The following GPR137B variants were observed in gnomAD, a reference collection of about 807,000 sequenced individuals.
The protein encoded by GPR137B is G protein-coupled receptor 137B, also known as integral membrane protein GPR137B.
In GPR137B, 42 loss-of-function variants were observed where a neutral mutation model predicts 42.5. That is an observed-to-expected ratio of 0.99 (90% CI 0.77 to 1.28). The LOEUF (loss-of-function observed/expected upper bound fraction) is 1.28, where lower values mean the gene tolerates loss of function less well. Ranked by LOEUF, GPR137B falls within the 50% of genes most tolerant of loss-of-function variation. GPR137B has a pLI of 0.00. For missense variants in GPR137B, 487 were observed against 493.9 expected (o/e 0.99, Z 0.13); for synonymous variants, 218 against 209.7 (o/e 1.04, Z -0.34).
At chr1:236,162,155 G>A (rs989038165) in intron 1 of GPR137B, among the ~76,000 whole-genome samples, 2 of 152,160 alleles carry the variant, frequency 1.3e-5, no homozygotes, top group Admixed American at 6.5e-5. Flanking sequence ...GAACTTTTTG[G>A]GAACTGGAGC....
At chr1:236,189,612 T>C (rs564840935) in intron 5 of GPR137B, among the ~76,000 whole-genome samples, 1 of 152,292 alleles carries the variant, frequency 6.6e-6, no homozygotes, top group East Asian at 1.9e-4. Flanking sequence ...TCAGTTTCCA[T>C]TGGTTGTGCA....
At chr1:236,192,659 G>A (rs1490111471) in intron 5 of GPR137B, among the ~76,000 whole-genome samples, 23 of 151,976 alleles carry the variant, frequency 1.5e-4, no homozygotes, top group Non-Finnish European at 1.6e-4. Flanking sequence ...CTCACCCTCC[G>A]TGAGCTGCAC....
In GPR137B at chr1:236,155,316, C is replaced by A. The variant is rs546947010; in HGVS notation, c.414+12280C>A. On this transcript the variant is annotated intron_variant, in intron 1 of 6. Coordinates refer to ENST00000366592, the MANE Select transcript of GPR137B (RefSeq NM_003272.4). The surrounding 1 kb of genome is among the most constrained non-coding windows in gnomAD (Gnocchi z 4.6). The stretch of plus-strand genomic sequence containing the variant: ...AGAAGCAGCTTAATGAATATTTGTC[C>A]TAATGCTTTCACCTCGCAGATAGAC... 2.6e-5 allele frequency among the ~76,000 whole-genome samples: 4 copies of A among 152,190 alleles called. No homozygotes were observed. The highest frequency in any genetic ancestry group is 5.9e-5 in the Non-Finnish European group (4 of 68,032).
At chr1:236,163,406 G>T (rs1460060299) in intron 1 of GPR137B, among the ~76,000 whole-genome samples, 1 of 152,168 alleles carries the variant, frequency 6.6e-6, no homozygotes, top group East Asian at 1.9e-4. Flanking sequence ...GACTTTTGGG[G>T]ACTGTTGGGA....
chr1:236,151,426 T>C (rs1190451363), intron 1 of GPR137B, among the ~76,000 whole-genome samples: 2 of 143,736 alleles, frequency 1.4e-5, no homozygotes, highest in South Asian at 2.4e-4. Context: ...TCATTTTTTT[T>C]TTTTTTTTTT....
intron 5 of GPR137B, among the ~76,000 whole-genome samples, chr1:236,196,566 G>A (rs1385714733): frequency 6.6e-6 from 1 of 152,150 alleles, no homozygotes; most frequent in Non-Finnish European, 1.5e-5. Context: ...CATTACCTTA[G>A]CATTGTACAC....
chr1:236,145,191 A>G (rs1661649320), intron 1 of GPR137B, among the ~76,000 whole-genome samples: 2 of 152,178 alleles, frequency 1.3e-5, no homozygotes, highest in South Asian at 4.1e-4. Context: ...CAAAACTGTG[A>G]TACTTCTGGG....
At position 236,208,725 on chromosome 1, in the gene GPR137B, A is replaced by G; in HGVS notation, c.*567A>G. The G allele has an allele frequency of 1.0e-6, 1 of 985,016 alleles. No homozygotes were observed. Among genetic ancestry groups the G allele is most frequent in the Non-Finnish European group, 1.2e-6 (1 of 829,382 alleles). 61.0% of individuals were successfully genotyped at this position (985,016 alleles called of 1,614,324 possible). A position where few individuals can be genotyped will look rare whatever the true frequency, so the allele number is the denominator to read the frequency against. The stretch of plus-strand genomic sequence containing the variant: ...ATGAAATGGTAAAGCAGCAGACTGT[A>G]AGGTCTTTAGAGATTTTTTTTTTAA... On this transcript the variant is annotated 3_prime_UTR_variant, in exon 7 of 7. Coordinates refer to ENST00000366592, the MANE Select transcript of GPR137B (RefSeq NM_003272.4).
rs1252526075 is a variant in GPR137B at position 236,186,230 on chromosome 1, T to TA, written c.966+2325dup. Among the ~76,000 whole-genome samples, 6 of 54,390 alleles carry TA rather than the reference T, an allele frequency of 1.1e-4. No individual in the cohort carries two copies. In the South Asian group the frequency reaches 2.8e-3, roughly 25 times the overall value. The allele number at this position is 54,390 out of a possible 152,430, so 35.7% of individuals were successfully genotyped here. ...ATACTATATATTATATATAATATAATATATAATAATATAAATAATATATAA... is the reference window on the plus strand; with the variant it reads ...ATACTATATATTATATATAATATAATAATATAATAATATAAATAATATATAA... On this transcript the variant is annotated intron_variant, in intron 5 of 6. Transcript: ENST00000366592.
intron 2 of GPR137B, among the ~76,000 whole-genome samples, chr1:236,178,090 C>T (rs1202180446): frequency 6.6e-6 from 1 of 152,088 alleles, no homozygotes; most frequent in Non-Finnish European, 1.5e-5. Flanking sequence ...GCCTATAAAA[C>T]GCCATCCCGA....
At chr1:236,202,331 G>T (rs1663516385) in intron 5 of GPR137B, among the ~76,000 whole-genome samples, 1 of 152,104 alleles carries the variant, frequency 6.6e-6, no homozygotes, top group Non-Finnish European at 1.5e-5. Context: ...TTGGAGCAGG[G>T]GATCTGTCAT....
chr1:236,192,500 G>A (rs886704283), intron 5 of GPR137B, among the ~76,000 whole-genome samples: 6 of 152,314 alleles, frequency 3.9e-5, no homozygotes, highest in East Asian at 3.9e-4. Context: ...CCTGGTCTGC[G>A]GGTTGTGAAG....
At position 236,208,237 on chromosome 1, in the gene GPR137B, A is replaced by C; in HGVS notation, c.*79A>C. The C allele has an allele frequency of 6.4e-7, 1 of 1,551,750 alleles. No homozygotes were observed. The highest frequency in any genetic ancestry group is 8.7e-7 in the Non-Finnish European group (1 of 1,152,714). ...ATAGTGACAGCTGAATTTTTAGGGC[A>C]CTTTTCCTTAAGAAATAGAACTTGA... On this transcript the variant is annotated 3_prime_UTR_variant, in exon 7 of 7. Coordinates refer to ENST00000366592, the MANE Select transcript of GPR137B (RefSeq NM_003272.4).
chr1:236,178,799 T>TTTTTTTTTG, intron 3 of GPR137B, among the ~76,000 whole-genome samples, 163 bp downstream of exon 3: 1 of 88,408 alleles, frequency 1.1e-5, no homozygotes, highest in African/African-American at 3.6e-5. Flanking sequence ...TTTTTTTTTT[T>TTTTTTTTTG]TTTTTTTTTT....
At chr1:236,170,612 A>C (rs551755999) in intron 2 of GPR137B, among the ~76,000 whole-genome samples, 1 of 152,198 alleles carries the variant, frequency 6.6e-6, no homozygotes, top group Non-Finnish European at 1.5e-5. Context: ...GTACAGGTTG[A>C]GTGTCCCTAA....
chr1:236,196,536 T>G (rs1315680214), intron 5 of GPR137B, among the ~76,000 whole-genome samples: 10 of 152,234 alleles, frequency 6.6e-5, no homozygotes, highest in Admixed American at 6.5e-4. Context: ...TAGTGGTGAC[T>G]GCTGAGATTT....
chr1:236,166,890 G>A (rs545599461), intron 1 of GPR137B, among the ~76,000 whole-genome samples: 2 of 152,162 alleles, frequency 1.3e-5, no homozygotes, highest in South Asian at 2.1e-4. Context: ...GGGCCCAAGC[G>A]ATCCTCCCAT....
In GPR137B at chr1:236,202,505, T is replaced by A. The variant is rs537311318; in HGVS notation, c.967-2621T>A. ...TTTTCCTGGTATGCTCCTGTGGTGG[T>A]TCCTGGAGCAAAAGTCCATGGTGTG... On this transcript the variant is annotated intron_variant, in intron 5 of 6. Transcript: ENST00000366592. Among the ~76,000 whole-genome samples the A allele has an allele frequency of 5.9e-5, 9 of 152,164 alleles. No individual in the cohort carries two copies. In the East Asian group the frequency reaches 1.5e-3, roughly 26 times the overall value.
intron 5 of GPR137B, among the ~76,000 whole-genome samples, chr1:236,190,834 T>A (rs1663173497): frequency 6.6e-6 from 1 of 152,218 alleles, no homozygotes; most frequent in African/African-American, 2.4e-5. Context: ...CTTGCCCTTC[T>A]TAAGGAGTAT....
Sources: allele counts gnomAD v4.1 joint callset (sites outside exome capture counted in the v4.1 genomes callset), GRCh38; gene constraint gnomAD v4.1.1; non-coding constraint Gnocchi (gnomAD v3.1); transcripts MANE v1.5; gene names NCBI Gene and HGNC (gene_info 2026-07-23, HGNC 2026-07-21).